Variants in LGSN observed in about 807,000 individuals in gnomAD.
LGSN encodes lengsin, lens protein with glutamine synthetase domain.
A neutral mutation model predicts 19.5 loss-of-function variants in LGSN; 21 were observed. That is an observed-to-expected ratio of 1.07 (90% CI 0.76 to 1.55). LGSN has a LOEUF of 1.55. LGSN is among the 40% of genes most tolerant of loss of function. The pLI is 0.00. For synonymous variants in LGSN, 257 were observed against 215.6 expected, an observed-to-expected ratio of 1.19 and a Z score of -1.68; for missense variants, 673 against 608.5, an observed-to-expected ratio of 1.11 and a Z score of -1.12.
At chr6:63,380,170 A>G in the LGSN span, among the ~76,000 whole-genome samples, 1 of 152,312 alleles carries the variant, frequency 6.6e-6, no homozygotes, top group Non-Finnish European at 1.5e-5. Flanking sequence ...AAGATCTACT[A>G]TGGCTTTTAG....
the LGSN span, among the ~76,000 whole-genome samples, chr6:63,466,517 A>G: frequency 6.6e-6 from 1 of 152,244 alleles, no homozygotes; most frequent in Non-Finnish European, 1.5e-5. Flanking sequence ...ACACAGCACC[A>G]GAAAAACCAT....
the LGSN span, among the ~76,000 whole-genome samples, chr6:63,367,220 C>T: frequency 6.6e-6 from 1 of 152,146 alleles, no homozygotes; most frequent in East Asian, 1.9e-4. Flanking sequence ...CCAGAATCTA[C>T]AAAGAACTTT....
At chr6:63,390,797 C>T in the LGSN span, among the ~76,000 whole-genome samples, 1 of 148,424 alleles carries the variant, frequency 6.7e-6, no homozygotes, top group Non-Finnish European at 1.5e-5. Flanking sequence ...GGGACGGAGC[C>T]TGCAGTGAGC....
chr6:63,539,178 G>C, the LGSN span, among the ~76,000 whole-genome samples: 1 of 152,156 alleles, frequency 6.6e-6, no homozygotes, highest in Non-Finnish European at 1.5e-5. Context: ...ACAGTCATGA[G>C]CCACCGTGCC....
chr6:63,363,628 A>G, the LGSN span, among the ~76,000 whole-genome samples: 4 of 152,224 alleles, frequency 2.6e-5, no homozygotes, highest in Non-Finnish European at 5.9e-5. Flanking sequence ...AATGAAATGA[A>G]GCAAGAAGAG....
At chr6:63,285,442 G>A in intron 3 of LGSN, 145 bp downstream of exon 3, 2 of 657,852 alleles carry the variant, frequency 3.0e-6, no homozygotes, top group South Asian at 2.4e-5. Context: ...GTGTTTGGGA[G>A]GAACAAGGGA....
the LGSN span, among the ~76,000 whole-genome samples, chr6:63,426,502 G>GATTTATTTATTTATTTATTT: frequency 0.011 from 1,644 of 151,848 alleles, 30 homozygotes; most frequent in African/African-American, 0.038. Context: ...AAGTTATTTA[G>GATTTATTTATTTATTTATTT]ATTTATTTAT....
the LGSN span, among the ~76,000 whole-genome samples, chr6:63,403,724 A>G: frequency 1.3e-5 from 2 of 152,182 alleles, no homozygotes; most frequent in Non-Finnish European, 2.9e-5. Context: ...TTACTATTCT[A>G]CAAATACTAA....
the LGSN span, among the ~76,000 whole-genome samples, chr6:63,473,423 G>A: frequency 1.4e-5 from 2 of 138,056 alleles, no homozygotes; most frequent in African/African-American, 5.5e-5. Flanking sequence ...GCAGTGAGCC[G>A]AGATCATGCC....
the LGSN span, among the ~76,000 whole-genome samples, chr6:63,406,877 A>G: frequency 2.0e-5 from 3 of 152,156 alleles, no homozygotes; most frequent in Non-Finnish European, 4.4e-5. Flanking sequence ...AATACAAACT[A>G]CCATCAGAGA....
At chr6:63,506,235 T>C in the LGSN span, among the ~76,000 whole-genome samples, 1 of 103,196 alleles carries the variant, frequency 9.7e-6, no homozygotes, top group Non-Finnish European at 1.8e-5. Flanking sequence ...GTTCTTCTTG[T>C]TGTTGTTGGT....
chr6:63,373,337 C>T, the LGSN span, among the ~76,000 whole-genome samples: 7 of 152,180 alleles, frequency 4.6e-5, no homozygotes, highest in East Asian at 3.8e-4. Context: ...AACCTGGTGA[C>T]GTCATGTTAA....
At chr6:63,389,670 G>A in the LGSN span, among the ~76,000 whole-genome samples, 2 of 152,286 alleles carry the variant, frequency 1.3e-5, no homozygotes, top group Non-Finnish European at 2.9e-5. Flanking sequence ...CTGCTACATG[G>A]TTGCATTTCA....
chr6:63,493,670 T>C, the LGSN span, among the ~76,000 whole-genome samples: 81,388 of 151,870 alleles, frequency 0.54, 23,628 homozygotes, highest in African/African-American at 0.77. Context: ...TGACTATAGA[T>C]TCCTCAACCA....
the LGSN span, among the ~76,000 whole-genome samples, chr6:63,433,570 A>C: frequency 2.6e-5 from 4 of 152,352 alleles, no homozygotes; most frequent in South Asian, 8.3e-4. Flanking sequence ...AATGTGTCTC[A>C]TAACTAGAAG....
chr6:63,529,844 C>CA, the LGSN span, among the ~76,000 whole-genome samples: 3 of 152,092 alleles, frequency 2.0e-5, no homozygotes, highest in Admixed American at 2.0e-4. Flanking sequence ...CAGGAGCTAT[C>CA]AGAGAACTAA....
the LGSN span, among the ~76,000 whole-genome samples, chr6:63,540,199 T>G: frequency 6.6e-6 from 1 of 152,150 alleles, no homozygotes; most frequent in African/African-American, 2.4e-5. Context: ...CAAAATGTGG[T>G]AGATGCACTT....
chr6:63,442,690 C>G, the LGSN span, among the ~76,000 whole-genome samples: 1 of 152,028 alleles, frequency 6.6e-6, no homozygotes, highest in Non-Finnish European at 1.5e-5. Flanking sequence ...GAGCTAGACA[C>G]AGAGTGCTGA....
the LGSN span, among the ~76,000 whole-genome samples, chr6:63,418,471 G>C: frequency 6.6e-6 from 1 of 152,322 alleles, no homozygotes; most frequent in East Asian, 1.9e-4. Context: ...TGAGGCAGAA[G>C]AATCTCTTGA....
Sources: allele counts gnomAD v4.1 joint callset (sites outside exome capture counted in the v4.1 genomes callset), GRCh38; gene constraint gnomAD v4.1.1; transcripts MANE v1.5; gene names NCBI Gene and HGNC (gene_info 2026-07-23, HGNC 2026-07-21).